The following SPAG16 variants were observed in gnomAD, a reference collection of about 807,000 sequenced individuals.
SPAG16 encodes the protein sperm associated antigen 16.
SPAG16 carries 86 observed loss-of-function variants against 80.4 expected under a neutral mutation model. The observed-to-expected ratio is 1.07, with a 90% CI of 0.90 to 1.28. SPAG16 has a LOEUF of 1.28. SPAG16 is among the 50% of genes most tolerant of loss of function. SPAG16 has a pLI of 0.00. For synonymous variants in SPAG16, 294 were observed against 265.9 expected (o/e 1.11, Z -1.03); for missense variants, 870 against 765.3 (o/e 1.14, Z -1.61).
At chr2:214,073,659 A>G (rs568182413) in intron 13 of SPAG16, among the ~76,000 whole-genome samples, 1 of 152,340 alleles carries the variant, frequency 6.6e-6, no homozygotes, top group African/African-American at 2.4e-5. Context: ...TACCAAATAA[A>G]ACATTCCAGC....
intron 10 of SPAG16, among the ~76,000 whole-genome samples, chr2:213,543,692 G>A (rs866705322): frequency 6.6e-6 from 1 of 152,034 alleles, no homozygotes; most frequent in Middle Eastern, 3.4e-3. Context: ...TATTATGGTA[G>A]CTTGTAAGTA....
intron 15 of SPAG16, among the ~76,000 whole-genome samples, chr2:214,234,570 A>G (rs761698333): frequency 9.9e-5 from 15 of 152,178 alleles, no homozygotes; most frequent in Non-Finnish European, 2.1e-4. Flanking sequence ...TGACTTTTTA[A>G]TAATAGCCAT....
At chr2:213,389,357 A>G (rs925373845) in intron 9 of SPAG16, among the ~76,000 whole-genome samples, 5 of 152,166 alleles carry the variant, frequency 3.3e-5, no homozygotes, top group African/African-American at 7.2e-5. Flanking sequence ...GATTTTAACA[A>G]TGATTTCTTA....
intron 10 of SPAG16, among the ~76,000 whole-genome samples, chr2:213,701,562 T>C (rs1484955120): frequency 6.6e-6 from 1 of 152,014 alleles, no homozygotes; most frequent in Non-Finnish European, 1.5e-5. Flanking sequence ...TGGAGGGCGC[T>C]GCTCTGTGGC....
chr2:213,772,562 T>C (rs1164982436), intron 10 of SPAG16, among the ~76,000 whole-genome samples: 1 of 152,196 alleles, frequency 6.6e-6, no homozygotes, highest in African/African-American at 2.4e-5. Context: ...AAAAGAGTAC[T>C]ACTATATATA....
chr2:213,668,293 T>A (rs1240760314), intron 10 of SPAG16, among the ~76,000 whole-genome samples: 2 of 147,754 alleles, frequency 1.4e-5, no homozygotes, highest in African/African-American at 2.6e-5. Context: ...ATTTTTCTGA[T>A]GAGTTAGTAC....
At chr2:214,137,511 T>C (rs890812207) in intron 14 of SPAG16, among the ~76,000 whole-genome samples, 1 of 152,136 alleles carries the variant, frequency 6.6e-6, no homozygotes, top group Non-Finnish European at 1.5e-5. Context: ...GAGGAACATC[T>C]ATGTGACAAA....
intron 15 of SPAG16, among the ~76,000 whole-genome samples, chr2:214,329,879 G>GAA (rs1696774556): frequency 6.6e-6 from 1 of 152,092 alleles, no homozygotes; most frequent in Admixed American, 6.6e-5. Context: ...TATCATCGAT[G>GAA]AAATGTCAGC....
chr2:213,586,139 G>T (rs930794931), intron 10 of SPAG16, among the ~76,000 whole-genome samples: 1 of 151,960 alleles, frequency 6.6e-6, no homozygotes, highest in Non-Finnish European at 1.5e-5. Flanking sequence ...AATAGTTTTC[G>T]GTGGAAAACT....
chr2:214,005,951 G>A (rs1044508622), intron 12 of SPAG16, among the ~76,000 whole-genome samples: 5 of 152,102 alleles, frequency 3.3e-5, no homozygotes, highest in African/African-American at 1.2e-4. Context: ...TGGATTGTTA[G>A]AGTAGGTATT....
chr2:214,157,991 A>C (rs1022990373), intron 15 of SPAG16, among the ~76,000 whole-genome samples: 2 of 147,884 alleles, frequency 1.4e-5, no homozygotes, highest in Admixed American at 6.8e-5. Context: ...GAAATTATTC[A>C]TGTCTCCATC....
intron 6 of SPAG16, among the ~76,000 whole-genome samples, chr2:213,344,225 A>C (rs569646106): frequency 6.6e-6 from 1 of 152,258 alleles, no homozygotes; most frequent in African/African-American, 2.4e-5. Flanking sequence ...AATTGAGGCT[A>C]TTTATAACAG....
chr2:213,296,810 T>C (rs1233969320), intron 2 of SPAG16, among the ~76,000 whole-genome samples: 1 of 152,220 alleles, frequency 6.6e-6, no homozygotes, highest in Non-Finnish European at 1.5e-5. Flanking sequence ...TGTTAAGTCT[T>C]AACTGTCATT....
intron 14 of SPAG16, among the ~76,000 whole-genome samples, chr2:214,133,206 G>T (rs574228866): frequency 6.6e-6 from 1 of 152,082 alleles, no homozygotes; most frequent in South Asian, 2.1e-4. Context: ...CCTGTTGGAG[G>T]TGGGGGCTAT....
intron 9 of SPAG16, chr2:213,422,340 A>ACG: frequency 1.4e-6 from 1 of 697,334 alleles, no homozygotes; most frequent in Admixed American, 2.0e-5. Flanking sequence ...AGGCTTACAC[A>ACG]GATCCAGTGC....
At chr2:213,782,179 AGT>A (rs926630413) in intron 10 of SPAG16, among the ~76,000 whole-genome samples, 1 of 137,078 alleles carries the variant, frequency 7.3e-6, no homozygotes, top group Admixed American at 7.8e-5. Flanking sequence ...AATAGTCTTC[AGT>A]TTTTTTTTTT....
At chr2:213,555,159 G>C (rs185666794) in intron 10 of SPAG16, among the ~76,000 whole-genome samples, 28 of 152,282 alleles carry the variant, frequency 1.8e-4, no homozygotes, top group Admixed American at 1.8e-3. Flanking sequence ...AAACCTTATA[G>C]TCCATGACTA....
intron 15 of SPAG16, among the ~76,000 whole-genome samples, chr2:214,237,747 T>C (rs775268868): frequency 2.6e-5 from 4 of 152,006 alleles, no homozygotes; most frequent in African/African-American, 4.8e-5. Flanking sequence ...CTCTAAAAAG[T>C]CATCTGGATG....
Position 213,690,176 on chromosome 2 carries a change from G to A in SPAG16, c.1071-172309G>A, listed in dbSNP as rs1014169797. Among the ~76,000 whole-genome samples the A allele has an allele frequency of 5.9e-5, 9 of 152,058 alleles. No homozygotes were observed. The South Asian group carries it at 6.2e-4, about 11-fold the overall frequency. The stretch of plus-strand genomic sequence containing the variant: ...TGCCCTTTCTTCAGATATTTGCCTC[G>A]TTAACAAACTCCTCTATTTCTAGAC... On this transcript the variant is annotated intron_variant, in intron 10 of 15. Transcript: ENST00000331683.
Sources: allele counts gnomAD v4.1 joint callset (sites outside exome capture counted in the v4.1 genomes callset), GRCh38; gene constraint gnomAD v4.1.1; transcripts MANE v1.5; gene names NCBI Gene and HGNC (gene_info 2026-07-23, HGNC 2026-07-21).